The following RFC4 variants were observed in gnomAD, a reference collection of about 807,000 sequenced individuals.
The protein encoded by RFC4 is A1 37 kDa subunit.
In RFC4, 38 loss-of-function variants were observed where a neutral mutation model predicts 47.6. That is an observed-to-expected ratio of 0.80 (90% confidence interval 0.62 to 1.05). The LOEUF is 1.05. Ranked by LOEUF, RFC4 falls within the 50% of genes least tolerant of loss-of-function variation. RFC4 has a pLI of 0.00. For synonymous variants in RFC4, 164 were observed against 150.0 expected (o/e 1.09, Z -0.68); for missense variants, 489 against 434.0 (o/e 1.13, Z -1.13).
In RFC4 at chr3:186,801,199, G is replaced by T. The variant is rs770351072; in HGVS notation, c.132-4C>A. On this transcript the variant is annotated splice_region_variant and splice_polypyrimidine_tract_variant and intron_variant, in intron 2 of 10. Transcript: ENST00000296273. Reference sequence around the variant, plus strand: ...TTCATCCACACATTTTGGGCGACTTGCGGGGTGAGAAGGAGGAAAGAGGTT... The same window carrying T: ...TTCATCCACACATTTTGGGCGACTTTCGGGGTGAGAAGGAGGAAAGAGGTT... 15 of 1,612,956 alleles carry T rather than the reference G, an allele frequency of 9.3e-6. No homozygotes were observed. The highest frequency in any genetic ancestry group is 1.6e-4 in the Middle Eastern group (1 of 6,080).
chr3:186,805,288 A>T (rs1043770057), intron 1 of RFC4, among the ~76,000 whole-genome samples: 4 of 152,116 alleles, frequency 2.6e-5, no homozygotes, highest in Admixed American at 1.3e-4. Flanking sequence ...TGGCGGAATC[A>T]TGGTTCACTG....
At chr3:186,792,989 T>C (rs779698474) in intron 5 of RFC4, 42 bp from the exon 6 acceptor site, 2 of 1,557,620 alleles carry the variant, frequency 1.3e-6, no homozygotes, top group South Asian at 1.2e-5. Context: ...TTAATATGTA[T>C]ATTGGTTTTA....
chr3:186,803,376 A>G lies in RFC4; in HGVS notation c.131+1207T>C, dbSNP rs191913007. 5.2e-4 allele frequency among the ~76,000 whole-genome samples: 79 copies of G among 152,190 alleles called. 1 individual carries two copies. Among genetic ancestry groups the G allele is most frequent in the Admixed American group, 2.4e-3 (36 of 15,264 alleles). Reference sequence around the variant, plus strand: ...AAACAAACAAAAAGGCAAGCAAAAAACAAAAACACAAAAAACATATGAGGG... The same window carrying G: ...AAACAAACAAAAAGGCAAGCAAAAAGCAAAAACACAAAAAACATATGAGGG... On this transcript the variant is annotated intron_variant, in intron 2 of 10. Transcript: ENST00000296273.
At chr3:186,805,104 T>C (rs1391332239) in intron 1 of RFC4, among the ~76,000 whole-genome samples, 2 of 152,250 alleles carry the variant, frequency 1.3e-5, no homozygotes, top group African/African-American at 4.8e-5. Flanking sequence ...TTCACAGTCA[T>C]GGGCCTAGCT....
chr3:186,801,333 G>A (rs1382883855), intron 2 of RFC4, 138 bp from the exon 3 acceptor site: 11 of 642,944 alleles, frequency 1.7e-5, no homozygotes, highest in Non-Finnish European at 2.8e-5. Context: ...TTTCATAATC[G>A]GAAATAGGTG....
chr3:186,792,853 TCTC>T lies in RFC4; in HGVS notation c.502_504del (p.Glu168del). On this transcript the variant is annotated inframe_deletion, in exon 6 of 11. Transcript: ENST00000296273. ...CAGAATCGGGTGGTTTTCGACTCCT[TCTC>T]CATGGTACGTCTTAAAGCTGCCTGA... 6.2e-7 allele frequency: 1 copy of T among 1,614,042 alleles called. No homozygotes were observed. The highest frequency in any genetic ancestry group is 8.5e-7 in the Non-Finnish European group (1 of 1,179,944).
chr3:186,794,162 T>C (rs1270779896), intron 5 of RFC4, among the ~76,000 whole-genome samples: 1 of 152,246 alleles, frequency 6.6e-6, no homozygotes, highest in Non-Finnish European at 1.5e-5. Flanking sequence ...CTTCTGTACA[T>C]TGATTTTTGG....
At chr3:186,801,314 G>A (rs1325498225) in intron 2 of RFC4, 119 bp from the exon 3 acceptor site, 6 of 748,824 alleles carry the variant, frequency 8.0e-6, no homozygotes, top group Non-Finnish European at 1.4e-5. Context: ...GCAATGAAAT[G>A]AGAAACTTTT....
Position 186,793,597 on chromosome 3 carries a change from A to G in RFC4, c.411-650T>C, listed in dbSNP as rs1006044976. 2.6e-5 allele frequency among the ~76,000 whole-genome samples: 4 copies of G among 152,182 alleles called. No homozygotes were observed. The highest frequency in any genetic ancestry group is 2.1e-4 in the South Asian group (1 of 4,830). ...ATTTTCTGTATTTTTTATCATAGCCATCCTAGTGGGAGTTACGTGGTATTT... is the reference window on the plus strand; with the variant it reads ...ATTTTCTGTATTTTTTATCATAGCCGTCCTAGTGGGAGTTACGTGGTATTT... On this transcript the variant is annotated intron_variant, in intron 5 of 10. Transcript: ENST00000296273. The surrounding 1 kb of genome is among the most constrained non-coding windows in gnomAD (Gnocchi z 4.2).
At chr3:186,803,805 T>G (rs1436493358) in intron 2 of RFC4, among the ~76,000 whole-genome samples, 1 of 151,836 alleles carries the variant, frequency 6.6e-6, no homozygotes, top group Non-Finnish European at 1.5e-5. Context: ...ATTATAGGCA[T>G]GAGCCACCAT....
chr3:186,806,326 G>C lies in RFC4; in HGVS notation c.-48C>G, dbSNP rs754464562. On this transcript the variant is annotated 5_prime_UTR_variant, in exon 1 of 11. Coordinates refer to ENST00000296273, the MANE Select transcript of RFC4 (RefSeq NM_002916.5). ...GCTTCTCGTGCAGGTCACCGCCGCCGGCTCGTTCCTCAGGTTTCCGCGATA... is the reference window on the plus strand; with the variant it reads ...GCTTCTCGTGCAGGTCACCGCCGCCCGCTCGTTCCTCAGGTTTCCGCGATA... 6.6e-6 allele frequency: 1 copy of C among 152,284 alleles called. No individual in the cohort carries two copies. The highest frequency in any genetic ancestry group is 1.5e-5 in the Non-Finnish European group (1 of 68,092). 9.4% of individuals were successfully genotyped at this position (152,284 alleles called of 1,614,324 possible).
intron 3 of RFC4, among the ~76,000 whole-genome samples, chr3:186,800,787 TTCTA>T (rs1469618785): frequency 6.6e-6 from 1 of 152,236 alleles, no homozygotes; most frequent in African/African-American, 2.4e-5. Flanking sequence ...TACTTGTTTA[TTCTA>T]TCTTTCCTTA....
chr3:186,792,998 T>A (rs781157425), intron 5 of RFC4, 51 bp from the exon 6 acceptor site: 3 of 1,495,050 alleles, frequency 2.0e-6, no homozygotes, highest in Non-Finnish European at 2.7e-6. Context: ...ATATTGGTTT[T>A]AACAGCTTTG....
chr3:186,798,828 T>C (rs1722295908), intron 3 of RFC4, among the ~76,000 whole-genome samples: 1 of 152,224 alleles, frequency 6.6e-6, no homozygotes, highest in Non-Finnish European at 1.5e-5. Context: ...GTTATTTCAC[T>C]GTGGGGCTTA....
At chr3:186,790,085 A>G (rs1722035099) in intron 10 of RFC4, 21 bp from the exon 11 acceptor site, 1 of 1,608,994 alleles carries the variant, frequency 6.2e-7, no homozygotes, top group African/African-American at 1.3e-5. Flanking sequence ...AATTTAAGAA[A>G]TTAGCATCCT....
In RFC4 at chr3:186,790,274, T is replaced by C. The variant is rs547728677; in HGVS notation, c.883-19A>G. 6 of 1,611,546 alleles carry C rather than the reference T, an allele frequency of 3.7e-6. No homozygotes were observed. Among genetic ancestry groups the C allele is most frequent in the South Asian group, 1.1e-5 (1 of 90,984 alleles). On this transcript the variant is annotated intron_variant, in intron 9 of 10. Transcript: ENST00000296273. ...TTAAATCCTATAATAAAAAAAACTT[T>C]TGGTATGATGACTTAATATTCCTTT...
intron 2 of RFC4, among the ~76,000 whole-genome samples, chr3:186,802,348 T>C (rs1722376801): frequency 6.6e-6 from 1 of 152,122 alleles, no homozygotes; most frequent in East Asian, 1.9e-4. Flanking sequence ...AAAAGCATTG[T>C]TCCACTTTGA....
rs984238456 is a variant in RFC4, at chr3:186,793,197, C to T, written c.411-250G>A. Among the ~76,000 whole-genome samples, 1 of 152,228 alleles carries T rather than the reference C, an allele frequency of 6.6e-6. No individual in the cohort carries two copies. Among genetic ancestry groups the T allele is most frequent in the Non-Finnish European group, 1.5e-5 (1 of 68,046 alleles). On this transcript the variant is annotated intron_variant, in intron 5 of 10. Transcript: ENST00000296273. The surrounding 1 kb of genome is among the most constrained non-coding windows in gnomAD (Gnocchi z 4.2). Reference sequence around the variant, plus strand: ...CCAGTCATTCCCAGCTCTAGGCAATCATTAGTCTACTTTCATCTCTATAGA... The same window carrying T: ...CCAGTCATTCCCAGCTCTAGGCAATTATTAGTCTACTTTCATCTCTATAGA...
In RFC4 at chr3:186,792,686, A is replaced by G; in HGVS notation, c.555-76T>C. 3.8e-6 allele frequency: 6 copies of G among 1,567,036 alleles called. 1 individual carries two copies. The South Asian group carries it at 4.7e-5, about 12-fold the overall frequency. On this transcript the variant is annotated intron_variant, in intron 6 of 10. Coordinates refer to ENST00000296273, the MANE Select transcript of RFC4 (RefSeq NM_002916.5). The stretch of plus-strand genomic sequence containing the variant: ...AAAAGAACTCATTTTTATCAAGAAC[A>G]AATCAAGATTTGATGGAGGAAAAAT...
Sources: gnomAD v4.1 joint callset for allele counts (sites outside exome capture counted in the v4.1 genomes callset) on GRCh38, gnomAD v4.1.1 for gene constraint, Gnocchi (gnomAD v3.1) non-coding constraint, MANE v1.5 for transcripts, NCBI Gene and HGNC (gene_info 2026-07-23, HGNC 2026-07-21) for gene names.